The following VPS13C variants were observed in gnomAD, a reference collection of about 807,000 sequenced individuals.
VPS13C encodes vacuolar protein sorting 13 homolog C, also known as intermembrane lipid transfer protein VPS13C.
A neutral mutation model predicts 456.8 loss-of-function variants in VPS13C; 358 were observed. The observed-to-expected ratio is 0.78, with a 90% CI of 0.72 to 0.86. VPS13C has a LOEUF of 0.86. VPS13C is among the 40% of genes least tolerant of loss of function. VPS13C has a pLI of 0.00. For synonymous variants in VPS13C, 1,578 were observed against 1,486.7 expected (o/e 1.06, Z -1.41); for missense variants, 4,818 against 4,385.4 (o/e 1.10, Z -2.79).
intron 18 of VPS13C, among the ~76,000 whole-genome samples, chr15:61,988,792 T>C (rs537541369): frequency 1.3e-5 from 2 of 152,188 alleles, no homozygotes; most frequent in South Asian, 2.1e-4. Flanking sequence ...TAACTGATGA[T>C]AAAGAGGTAA....
chr15:62,012,921 T>C (rs2047097087), intron 11 of VPS13C, 118 bp downstream of exon 11: 1 of 560,830 alleles, frequency 1.8e-6, no homozygotes, highest in South Asian at 3.7e-5. Flanking sequence ...TATTTCTGAT[T>C]TAGTGAAATA....
intron 75 of VPS13C, among the ~76,000 whole-genome samples, chr15:61,876,208 G>C (rs1235380463): frequency 2.0e-5 from 3 of 152,032 alleles, no homozygotes; most frequent in African/African-American, 7.2e-5. Flanking sequence ...TGAGATGAGA[G>C]GATCACTTGA....
At chr15:62,024,330 T>C (rs1446020064) in intron 6 of VPS13C, among the ~76,000 whole-genome samples, 3 of 152,082 alleles carry the variant, frequency 2.0e-5, no homozygotes, top group Non-Finnish European at 4.4e-5. Flanking sequence ...AGCAAATTAT[T>C]TAATGACTCA....
At chr15:62,007,229 T>C in intron 15 of VPS13C, 79 bp downstream of exon 15, 1 of 1,089,516 alleles carries the variant, frequency 9.2e-7, no homozygotes, top group Non-Finnish European at 1.2e-6. Flanking sequence ...AAATTATTTT[T>C]TGATTCAAAT....
rs555021956 is a variant in VPS13C, at chr15:61,873,550, A to G, written c.10415-141T>C. 7 of 776,644 alleles carry G rather than the reference A, an allele frequency of 9.0e-6. No individual in the cohort carries two copies. In the African/African-American group the frequency reaches 1.2e-4, roughly 13 times the overall value. 48.1% of individuals were successfully genotyped at this position (776,644 alleles called of 1,614,324 possible). On this transcript the variant is annotated intron_variant, in intron 77 of 84. Transcript: ENST00000644861. Reference sequence around the variant, plus strand: ...CTGAAAAGGAGACATACAAATGGCCAACAAGTATATGAAAAAATGTTCAAG... The same window carrying G: ...CTGAAAAGGAGACATACAAATGGCCGACAAGTATATGAAAAAATGTTCAAG...
chr15:62,018,884 C>A (rs1034252918), intron 9 of VPS13C, among the ~76,000 whole-genome samples: 14 of 152,286 alleles, frequency 9.2e-5, no homozygotes, highest in African/African-American at 3.4e-4. Flanking sequence ...CCTTGTACCT[C>A]TGGTAGAATT....
intron 66 of VPS13C, among the ~76,000 whole-genome samples, chr15:61,897,416 T>C (rs1187602222): frequency 1.3e-5 from 2 of 152,150 alleles, no homozygotes; most frequent in Admixed American, 6.5e-5. Context: ...AAGGAACTGA[T>C]GGAGCTGAAA....
At chr15:61,989,368 T>C (rs1267051923) in intron 18 of VPS13C, among the ~76,000 whole-genome samples, 1 of 151,758 alleles carries the variant, frequency 6.6e-6, no homozygotes, top group Admixed American at 6.6e-5. Flanking sequence ...GCCACTGCAC[T>C]CCTGCCTGGG....
At chr15:61,897,117 A>C (rs1396431464) in intron 66 of VPS13C, among the ~76,000 whole-genome samples, 23 of 152,164 alleles carry the variant, frequency 1.5e-4, no homozygotes, top group Admixed American at 8.5e-4. Flanking sequence ...ACCATCATCA[A>C]AGACCAAAAG....
At chr15:61,902,327 T>C (rs2043027239) in intron 66 of VPS13C, among the ~76,000 whole-genome samples, 1 of 130,712 alleles carries the variant, frequency 7.7e-6, no homozygotes, top group African/African-American at 2.8e-5. Flanking sequence ...CTAATAACCA[T>C]TCTACTCCAA....
At chr15:61,856,233 A>G in intron 83 of VPS13C, 53 bp downstream of exon 83, 1 of 1,600,136 alleles carries the variant, frequency 6.2e-7, no homozygotes. Context: ...TAACTGCAAA[A>G]CAGTCTAAAA....
chr15:61,961,375 G>C (rs2045195949), intron 35 of VPS13C, among the ~76,000 whole-genome samples: 1 of 146,776 alleles, frequency 6.8e-6, no homozygotes, highest in African/African-American at 2.5e-5. Context: ...CTGGGTGACA[G>C]ACCAAGACTC....
At chr15:61,974,178 A>G in intron 25 of VPS13C, 110 bp downstream of exon 25, 4 of 1,134,410 alleles carry the variant, frequency 3.5e-6, no homozygotes, top group Non-Finnish European at 3.5e-6. Context: ...TTTTACTTTC[A>G]TTTCTGTACT....
intron 10 of VPS13C, 145 bp from the exon 11 acceptor site, chr15:62,013,264 A>T: frequency 1.9e-6 from 1 of 525,500 alleles, no homozygotes; most frequent in South Asian, 3.7e-5. Context: ...CATAAAAATG[A>T]GGGGAAAATA....
chr15:62,018,520 C>T (rs1337011901), intron 9 of VPS13C, among the ~76,000 whole-genome samples: 1 of 151,534 alleles, frequency 6.6e-6, no homozygotes, highest in East Asian at 1.9e-4. Flanking sequence ...TTGTCAAAGG[C>T]CTTTTCTGCA....
chr15:62,011,564 C>T (rs1482376530), intron 12 of VPS13C, among the ~76,000 whole-genome samples: 5 of 151,670 alleles, frequency 3.3e-5, no homozygotes, highest in African/African-American at 9.7e-5. Flanking sequence ...AATAAAAAAC[C>T]AATAGCTTCA....
At chr15:61,860,940 A>AGTT (rs998982852) in intron 82 of VPS13C, among the ~76,000 whole-genome samples, 10 of 140,894 alleles carry the variant, frequency 7.1e-5, no homozygotes, top group Admixed American at 2.8e-4. Flanking sequence ...ATGTATGGTT[A>AGTT]GTTATTTTCT....
At chr15:61,970,221 A>AT (rs2045505389) in intron 27 of VPS13C, among the ~76,000 whole-genome samples, 8 of 152,182 alleles carry the variant, frequency 5.3e-5, no homozygotes, top group Admixed American at 5.2e-4. Flanking sequence ...TGCAAGCCTC[A>AT]TAAGTGAGCC....
At chr15:61,873,918 CTAAG>C (rs778857848) in intron 77 of VPS13C, among the ~76,000 whole-genome samples, 4 of 151,582 alleles carry the variant, frequency 2.6e-5, no homozygotes, top group Non-Finnish European at 5.9e-5. Flanking sequence ...TGCAATCAAT[CTAAG>C]TGTCTATCAA....
Sources: allele counts gnomAD v4.1 joint callset (sites outside exome capture counted in the v4.1 genomes callset), GRCh38; gene constraint gnomAD v4.1.1; transcripts MANE v1.5; gene names NCBI Gene and HGNC (gene_info 2026-07-23, HGNC 2026-07-21).